UGT2A2: variants seen among roughly 807,000 people sequenced by gnomAD.
UGT2A2 encodes the protein UDP glucuronosyltransferase family 2 member A2.
In UGT2A2, 60 loss-of-function variants were observed where a neutral mutation model predicts 50.7. The ratio of observed to expected loss-of-function variants is 1.18; its 90% CI spans 0.96 to 1.47. The LOEUF (loss-of-function observed/expected upper bound fraction) is 1.47, where lower values mean the gene tolerates loss of function less well. UGT2A2 is among the 40% of genes most tolerant of loss of function. UGT2A2 has a pLI of 0.00. For missense variants in UGT2A2, 762 were observed against 634.0 expected (o/e 1.20, Z -2.17); for synonymous variants, 242 against 214.6 (o/e 1.13, Z -1.11).
chr4:69,612,112 C>T (rs1397596249), intron 1 of UGT2A2, among the ~76,000 whole-genome samples: 1 of 151,988 alleles, frequency 6.6e-6, no homozygotes, highest in Non-Finnish European at 1.5e-5. Context: ...TCCCACAGAT[C>T]AAATTCCAAG....
intron 1 of UGT2A2, among the ~76,000 whole-genome samples, chr4:69,609,233 G>A (rs1465263217): frequency 1.3e-5 from 2 of 151,376 alleles, no homozygotes; most frequent in Non-Finnish European, 2.9e-5. Context: ...GCTCACTGCA[G>A]CCTTGACCTT....
intron 1 of UGT2A2, among the ~76,000 whole-genome samples, chr4:69,619,755 CA>C (rs773792342): frequency 4.7e-4 from 72 of 152,008 alleles, no homozygotes; most frequent in Non-Finnish European, 9.9e-4. Context: ...AAATCCTCAA[CA>C]AAATACTTTC....
chr4:69,607,808 C>T (rs1172180271), intron 1 of UGT2A2, among the ~76,000 whole-genome samples: 1 of 152,182 alleles, frequency 6.6e-6, no homozygotes, highest in African/African-American at 2.4e-5. Context: ...AGCCAAAAGA[C>T]ACATGAAAAA....
chr4:69,616,240 G>A (rs1055356000), intron 1 of UGT2A2, among the ~76,000 whole-genome samples: 6 of 151,810 alleles, frequency 4.0e-5, no homozygotes, highest in African/African-American at 9.7e-5. Context: ...AAGGTCTTGG[G>A]GGGTGGGGAG....
At chr4:69,614,502 C>A (rs1191605966) in intron 1 of UGT2A2, among the ~76,000 whole-genome samples, 1 of 151,626 alleles carries the variant, frequency 6.6e-6, no homozygotes. Flanking sequence ...CACAAAAGAC[C>A]AGAATAGCCA....
At chr4:69,622,921 G>C (rs1040740315) in intron 1 of UGT2A2, among the ~76,000 whole-genome samples, 16 of 151,784 alleles carry the variant, frequency 1.1e-4, no homozygotes, top group African/African-American at 3.9e-4. Flanking sequence ...CCAACAATTA[G>C]GTCTTGGCTA....
Position 69,589,540 on chromosome 4 carries a change from C to T in UGT2A2, c.1443G>A (p.Lys481=). ...GGTCATGGGCTGCAACCCGAAGGTG[C>T]TTGGCTCCTTTGTGGCGCATGACAA... ...IEFVMRHKGA[K]HLRVAAHDLT... The change falls in exon 6 of 6, where the codon AAG becomes AAA. Residue 481 remains lysine, a synonymous_variant. Coordinates refer to ENST00000604629, the MANE Select transcript of UGT2A2 (RefSeq NM_001105677.2). The T allele has an allele frequency of 6.2e-7, 1 of 1,614,092 alleles. No individual in the cohort carries two copies. Among genetic ancestry groups the T allele is most frequent in the Non-Finnish European group, 8.5e-7 (1 of 1,179,970 alleles).
At chr4:69,608,447 C>G (rs961214660) in intron 1 of UGT2A2, among the ~76,000 whole-genome samples, 1 of 151,280 alleles carries the variant, frequency 6.6e-6, no homozygotes, top group African/African-American at 2.4e-5. Context: ...GGAAGGATAG[C>G]GTTGGGAAAT....
chr4:69,613,767 A>G (rs1720205227), intron 1 of UGT2A2, among the ~76,000 whole-genome samples: 1 of 152,082 alleles, frequency 6.6e-6, no homozygotes, highest in African/African-American at 2.4e-5. Flanking sequence ...ATTTGAGAAC[A>G]TTAACATCTC....
chr4:69,606,963 G>A (rs1267340776), intron 1 of UGT2A2, among the ~76,000 whole-genome samples: 1 of 136,436 alleles, frequency 7.3e-6, no homozygotes, highest in African/African-American at 3.0e-5. Context: ...TGGGTAGGAA[G>A]AATCAATATC....
Position 69,629,704 on chromosome 4 carries a change from C to A in UGT2A2, c.742+9195G>T, listed in dbSNP as rs145336189. ...CCTGTACAACTCTACTGGAAGAGGA[C>A]CCCTGCAAGCTTGCAACTGATCTTT... On this transcript the variant is annotated intron_variant, in intron 1 of 5. Transcript: ENST00000604629. Among the ~76,000 whole-genome samples, 804 of 152,112 alleles carry A rather than the reference C, an allele frequency of 5.3e-3. 9 individuals are homozygous for A. The highest frequency in any genetic ancestry group is 0.018 in the African/African-American group (737 of 41,510).
intron 1 of UGT2A2, among the ~76,000 whole-genome samples, chr4:69,624,754 C>T (rs1169123884): frequency 6.6e-6 from 1 of 151,210 alleles, no homozygotes; most frequent in East Asian, 1.9e-4. Context: ...CAGTTTACTT[C>T]TATGTATTAC....
In UGT2A2 at chr4:69,604,606, A is replaced by G. The variant is rs182477537; in HGVS notation, c.743-5212T>C. Among the ~76,000 whole-genome samples, 390 of 137,182 alleles carry G rather than the reference A, an allele frequency of 2.8e-3. 74 individuals are homozygous for G. Among genetic ancestry groups the G allele is most frequent in the Non-Finnish European group, 3.7e-3 (237 of 64,356 alleles). 90.0% of individuals were successfully genotyped at this position (137,182 alleles called of 152,430 possible). On this transcript the variant is annotated intron_variant, in intron 1 of 5. Transcript: ENST00000604629. ...AAACATAAATGGGCTAAATGCTCCA[A>G]TTAAAAGACACAGACTGGCAAATTG...
At chr4:69,596,515 G>T in intron 2 of UGT2A2, 134 bp from the exon 3 acceptor site, 1 of 1,250,324 alleles carries the variant, frequency 8.0e-7, no homozygotes, top group Non-Finnish European at 1.0e-6. Context: ...CTGACATGTA[G>T]AAAGATCTAG....
At chr4:69,598,451 G>A (rs1193201126) in intron 2 of UGT2A2, among the ~76,000 whole-genome samples, 2 of 151,850 alleles carry the variant, frequency 1.3e-5, no homozygotes, top group Admixed American at 1.3e-4. Context: ...CTTTTCTGAA[G>A]ACTTCATATT....
At chr4:69,597,246 G>A (rs921012906) in intron 2 of UGT2A2, among the ~76,000 whole-genome samples, 1 of 152,146 alleles carries the variant, frequency 6.6e-6, no homozygotes, top group Admixed American at 6.5e-5. Context: ...ATAACAAAGT[G>A]CATCTCCAAC....
intron 5 of UGT2A2, among the ~76,000 whole-genome samples, chr4:69,590,014 A>G (rs530690461): frequency 1.3e-5 from 2 of 152,366 alleles, no homozygotes; most frequent in South Asian, 4.1e-4. Flanking sequence ...GATAAAAATC[A>G]TTTAAGACAT....
chr4:69,613,773 A>G (rs972526667), intron 1 of UGT2A2, among the ~76,000 whole-genome samples: 2 of 152,038 alleles, frequency 1.3e-5, no homozygotes, highest in Non-Finnish European at 2.9e-5. Context: ...GAACATTAAC[A>G]TCTCTTCATG....
chr4:69,638,782 T>C (rs1179709149), intron 1 of UGT2A2, 117 bp downstream of exon 1: 2 of 1,282,452 alleles, frequency 1.6e-6, no homozygotes, highest in Non-Finnish European at 2.1e-6. Flanking sequence ...TACAGAGATA[T>C]AAGAAGTCCA....
Sources: gnomAD v4.1 joint callset for allele counts (sites outside exome capture counted in the v4.1 genomes callset) on GRCh38, gnomAD v4.1.1 for gene constraint, MANE v1.5 for transcripts, NCBI Gene and HGNC (gene_info 2026-07-23, HGNC 2026-07-21) for gene names.